ERCC6L2: variants seen among roughly 807,000 people sequenced by gnomAD.
ERCC6L2 encodes the protein DNA excision repair protein ERCC-6-like 2.
In ERCC6L2, 77 loss-of-function variants were observed where a neutral mutation model predicts 132.0. The ratio of observed to expected loss-of-function variants is 0.58; its 90% confidence interval spans 0.49 to 0.71. ERCC6L2 has a LOEUF of 0.71. Ranked by LOEUF, ERCC6L2 falls within the 30% of genes least tolerant of loss-of-function variation. The probability of loss-of-function intolerance (pLI) is 0.00; values close to 1 mark genes in which losing one functional copy is unlikely to be tolerated. For missense variants in ERCC6L2, 1,542 were observed against 1,837.6 expected (o/e 0.84, Z 2.94); for synonymous variants, 583 against 632.4 (o/e 0.92, Z 1.17).
At chr9:95,916,192 A>G (rs1209797610) in intron 5 of ERCC6L2, 35 bp from the exon 6 acceptor site, 2 of 1,580,732 alleles carry the variant, frequency 1.3e-6, no homozygotes, top group South Asian at 2.2e-5. Context: ...TTTAGATAAT[A>G]AAGCCCTTAC....
intron 13 of ERCC6L2, among the ~76,000 whole-genome samples, chr9:95,961,365 G>A (rs1300120632): frequency 1.3e-5 from 2 of 152,046 alleles, no homozygotes; most frequent in Non-Finnish European, 2.9e-5. Context: ...AGAATGCTAC[G>A]GATTACCAGC....
At chr9:95,990,460 C>T (rs1038860306) in intron 17 of ERCC6L2, among the ~76,000 whole-genome samples, 6 of 152,148 alleles carry the variant, frequency 3.9e-5, no homozygotes, top group Admixed American at 2.0e-4. Context: ...TTGACATTTA[C>T]GATTCAAAAG....
At chr9:95,895,351 A>T (rs1828396775) in intron 2 of ERCC6L2, among the ~76,000 whole-genome samples, 1 of 152,128 alleles carries the variant, frequency 6.6e-6, no homozygotes, top group African/African-American at 2.4e-5. Context: ...ATGACAAGGA[A>T]ATATATTTTA....
chr9:95,949,039 GA>G (rs1243581014), intron 12 of ERCC6L2, among the ~76,000 whole-genome samples: 1 of 151,634 alleles, frequency 6.6e-6, no homozygotes, highest in Non-Finnish European at 1.5e-5. Context: ...ATTAAAAAAA[GA>G]AAAAAAGAGA....
chr9:96,015,669 G>T lies in ERCC6L2; in HGVS notation c.*2466G>T, dbSNP rs1159752024. ...AATACAAAAATTAGCCAGGCGTGGT[G>T]GTGGGCGCCTGTAGTCCCAGCTACT... On this transcript the variant is annotated 3_prime_UTR_variant, in exon 19 of 19. Transcript: ENST00000653738. Among the ~76,000 whole-genome samples the T allele has an allele frequency of 4.6e-5, 7 of 151,808 alleles. No homozygotes were observed. Among genetic ancestry groups the T allele is most frequent in the Non-Finnish European group, 8.8e-5 (6 of 67,914 alleles).
intron 6 of ERCC6L2, among the ~76,000 whole-genome samples, chr9:95,919,213 A>G (rs11794333): frequency 0.018 from 2,701 of 152,294 alleles, 43 homozygotes; most frequent in South Asian, 0.052. Flanking sequence ...TTTAGGGAAA[A>G]AAAAAATTAG....
At chr9:95,976,935 C>T (rs1214276443) in intron 16 of ERCC6L2, among the ~76,000 whole-genome samples, 1 of 151,866 alleles carries the variant, frequency 6.6e-6, no homozygotes, top group Non-Finnish European at 1.5e-5. Context: ...TTAGCATTCT[C>T]GTTTAAGAGT....
chr9:95,990,788 A>G (rs921643281), intron 17 of ERCC6L2, among the ~76,000 whole-genome samples: 2 of 152,248 alleles, frequency 1.3e-5, no homozygotes, highest in African/African-American at 4.8e-5. Flanking sequence ...GCCAAGTGCC[A>G]GCCAGCTGAG....
chr9:95,931,106 A>C (rs1463947646), intron 11 of ERCC6L2, among the ~76,000 whole-genome samples: 1 of 152,226 alleles, frequency 6.6e-6, no homozygotes, highest in Non-Finnish European at 1.5e-5. Flanking sequence ...TGGTCAATGC[A>C]AGATCAGTCT....
intron 17 of ERCC6L2, among the ~76,000 whole-genome samples, chr9:96,002,112 C>G (rs540171759): frequency 1.3e-5 from 2 of 152,220 alleles, no homozygotes; most frequent in Admixed American, 1.3e-4. Context: ...CTCCACACCT[C>G]CCTGCAAGCT....
intron 8 of ERCC6L2, 36 bp from the exon 9 acceptor site, chr9:95,923,224 G>A (rs763948035): frequency 1.7e-5 from 27 of 1,606,078 alleles, no homozygotes; most frequent in African/African-American, 2.7e-5. Context: ...AATGTGTTAA[G>A]TGGAAATATC....
chr9:95,907,857 C>CACACACAAACAAACACACACACACACACA, intron 4 of ERCC6L2, among the ~76,000 whole-genome samples: 1 of 133,740 alleles, frequency 7.5e-6, no homozygotes, highest in Non-Finnish European at 1.6e-5. Flanking sequence ...ACACACACAC[C>CACACACAAACAAACACACACACACACACA]CCCACACCCA....
intron 17 of ERCC6L2, among the ~76,000 whole-genome samples, chr9:95,987,169 G>A (rs1407151939): frequency 2.0e-5 from 3 of 152,136 alleles, no homozygotes; most frequent in Non-Finnish European, 4.4e-5. Flanking sequence ...GGGACACAGA[G>A]CCAAACCATA....
intron 16 of ERCC6L2, among the ~76,000 whole-genome samples, chr9:95,974,229 TC>T (rs1452359532): frequency 1.3e-5 from 2 of 152,210 alleles, no homozygotes; most frequent in Admixed American, 6.5e-5. Flanking sequence ...CTTCACTACT[TC>T]CCTTCATTAT....
chr9:95,989,761 G>T (rs1588029023), intron 17 of ERCC6L2, among the ~76,000 whole-genome samples: 1 of 152,188 alleles, frequency 6.6e-6, no homozygotes, highest in Non-Finnish European at 1.5e-5. Context: ...TTGGTATGTT[G>T]TATGAGATGA....
At chr9:96,036,709 T>A (rs932111011) in intron 19 of ERCC6L2, among the ~76,000 whole-genome samples, 1 of 151,812 alleles carries the variant, frequency 6.6e-6, no homozygotes, top group Non-Finnish European at 1.5e-5. Flanking sequence ...GTAGCCATCC[T>A]AATGGGTATG....
intron 19 of ERCC6L2, chr9:96,025,730 G>A (rs566655766): frequency 6.6e-6 from 1 of 152,326 alleles, no homozygotes; most frequent in African/African-American, 2.4e-5. Flanking sequence ...ATTTCCACCA[G>A]TAATCTTCAA....
In ERCC6L2 at chr9:96,013,795, G is replaced by A. The variant is rs556220089; in HGVS notation, c.*592G>A. 1 of 152,250 alleles carries A rather than the reference G, an allele frequency of 6.6e-6. No individual in the cohort carries two copies. The highest frequency in any genetic ancestry group is 2.1e-4 in the South Asian group (1 of 4,826). The allele number at this position is 152,250 out of a possible 1,614,324, so 9.4% of individuals were successfully genotyped here. The stretch of plus-strand genomic sequence containing the variant: ...TATATAATATTAAAATGGTAATTTT[G>A]CAACAGCTCAAAATTAAAAGGTTAA... On this transcript the variant is annotated 3_prime_UTR_variant, in exon 19 of 19. Coordinates refer to ENST00000653738, the MANE Select transcript of ERCC6L2 (RefSeq NM_020207.7).
At chr9:95,893,872 T>A (rs1828298762) in intron 2 of ERCC6L2, among the ~76,000 whole-genome samples, 1 of 152,222 alleles carries the variant, frequency 6.6e-6, no homozygotes, top group African/African-American at 2.4e-5. Flanking sequence ...TAATTTCTGC[T>A]TTTTTGTGTT....
Sources: gnomAD v4.1 joint callset for allele counts (sites outside exome capture counted in the v4.1 genomes callset) on GRCh38, gnomAD v4.1.1 for gene constraint, MANE v1.5 for transcripts, NCBI Gene and HGNC (gene_info 2026-07-23, HGNC 2026-07-21) for gene names.